Variants in ANKS1B observed in about 807,000 individuals in gnomAD.
ANKS1B encodes ankyrin repeat and sterile alpha motif domain containing 1B, also known as ankyrin repeat and sterile alpha motif domain-containing protein 1B.
ANKS1B carries 36 observed loss-of-function variants against 148.3 expected under a neutral mutation model. The ratio of observed to expected loss-of-function variants is 0.24; its 90% CI spans 0.19 to 0.32. ANKS1B has a LOEUF of 0.32. Ranked by LOEUF, ANKS1B falls within the 10% of genes least tolerant of loss-of-function variation. The probability of loss-of-function intolerance (pLI) is 1.00; values close to 1 mark genes in which losing one functional copy is unlikely to be tolerated. For missense variants in ANKS1B, 1,157 were observed against 1,542.6 expected (o/e 0.75, Z 4.19); for synonymous variants, 542 against 560.8 (o/e 0.97, Z 0.47).
chr12:99,045,103 T>C (rs2153505819), intron 17 of ANKS1B, among the ~76,000 whole-genome samples: 1 of 152,328 alleles, frequency 6.6e-6, no homozygotes, highest in African/African-American at 2.4e-5. Context: ...TTAGCCACTG[T>C]TGAAAAGCAT....
At chr12:99,717,926 C>T (rs1230105122) in intron 8 of ANKS1B, among the ~76,000 whole-genome samples, 16 of 112,090 alleles carry the variant, frequency 1.4e-4, no homozygotes, top group African/African-American at 4.8e-4. Flanking sequence ...TTTTTTGAGA[C>T]GGAGTCTCGC....
chr12:99,632,815 T>C (rs1340338801), intron 9 of ANKS1B, among the ~76,000 whole-genome samples: 1 of 139,662 alleles, frequency 7.2e-6, no homozygotes, highest in Non-Finnish European at 1.5e-5. Context: ...AATGTGCAGG[T>C]TTGTTACATA....
chr12:99,274,359 C>A (rs2077426549), intron 12 of ANKS1B, among the ~76,000 whole-genome samples: 1 of 152,108 alleles, frequency 6.6e-6, no homozygotes, highest in Admixed American at 6.5e-5. Context: ...ATTTTGTCAT[C>A]TAACAAGAAG....
intron 17 of ANKS1B, among the ~76,000 whole-genome samples, chr12:98,914,632 C>T (rs1388383104): frequency 6.6e-6 from 1 of 152,172 alleles, no homozygotes; most frequent in Non-Finnish European, 1.5e-5. Flanking sequence ...CTCCAGCTCA[C>T]TGGCCTCCCT....
chr12:99,240,868 T>C (rs536296199), intron 14 of ANKS1B, among the ~76,000 whole-genome samples: 32 of 152,344 alleles, frequency 2.1e-4, no homozygotes, highest in African/African-American at 7.5e-4. Context: ...AGACACATTG[T>C]ACCAGAATCT....
At chr12:99,208,569 T>C (rs1331555965) in intron 14 of ANKS1B, among the ~76,000 whole-genome samples, 2 of 152,140 alleles carry the variant, frequency 1.3e-5, no homozygotes, top group African/African-American at 4.8e-5. Context: ...ATTCTGGTTA[T>C]TGTGCTAAAA....
At chr12:99,867,734 A>T (rs1367469465) in intron 1 of ANKS1B, among the ~76,000 whole-genome samples, 1 of 152,222 alleles carries the variant, frequency 6.6e-6, no homozygotes, top group African/African-American at 2.4e-5. Flanking sequence ...GCCAGATCAT[A>T]CCACCAACAT....
At chr12:99,716,163 C>A (rs2057296395) in intron 8 of ANKS1B, among the ~76,000 whole-genome samples, 1 of 151,898 alleles carries the variant, frequency 6.6e-6, no homozygotes, top group Admixed American at 6.6e-5. Context: ...ATTTCCGTGC[C>A]CCGACCTCTT....
chr12:99,418,701 A>C (rs1488904319), intron 11 of ANKS1B, among the ~76,000 whole-genome samples: 1 of 152,180 alleles, frequency 6.6e-6, no homozygotes, highest in Non-Finnish European at 1.5e-5. Context: ...TGGTGAGCAC[A>C]GTGGACATCC....
At chr12:99,433,885 G>A (rs930659622) in intron 11 of ANKS1B, among the ~76,000 whole-genome samples, 2 of 152,060 alleles carry the variant, frequency 1.3e-5, no homozygotes, top group African/African-American at 4.8e-5. Flanking sequence ...TCTCTATTTA[G>A]AGCACAGTCT....
chr12:99,090,122 A>G (rs1320144639), intron 15 of ANKS1B, among the ~76,000 whole-genome samples: 1 of 152,146 alleles, frequency 6.6e-6, no homozygotes, highest in Non-Finnish European at 1.5e-5. Flanking sequence ...GCTGTGATAA[A>G]CTGTTAGGAT....
At chr12:99,520,351 C>T (rs181966125) in intron 9 of ANKS1B, among the ~76,000 whole-genome samples, 1 of 152,214 alleles carries the variant, frequency 6.6e-6, no homozygotes, top group Admixed American at 6.5e-5. Context: ...TATACTATTC[C>T]TGGGTAAAAG....
At chr12:98,886,735 T>C (rs2099740941) in intron 17 of ANKS1B, among the ~76,000 whole-genome samples, 2 of 152,082 alleles carry the variant, frequency 1.3e-5, no homozygotes, top group Admixed American at 6.5e-5. Flanking sequence ...CTACAAAGGG[T>C]GGCCTCAGAC....
chr12:99,252,168 G>T (rs2074686240), intron 12 of ANKS1B, among the ~76,000 whole-genome samples: 2 of 152,194 alleles, frequency 1.3e-5, no homozygotes, highest in South Asian at 4.1e-4. Context: ...ATGTTTTGGG[G>T]GAGGATTATT....
chr12:98,794,561 G>T, intron 22 of ANKS1B: 1 of 722,554 alleles, frequency 1.4e-6, no homozygotes, highest in Non-Finnish European at 2.5e-6. Flanking sequence ...CGCAATGATT[G>T]CAAGGTGTTC....
At chr12:99,690,934 C>A (rs1447302460) in intron 8 of ANKS1B, among the ~76,000 whole-genome samples, 1 of 152,172 alleles carries the variant, frequency 6.6e-6, no homozygotes, top group African/African-American at 2.4e-5. Context: ...GGGCTCTGCC[C>A]CTGTAGCAAA....
chr12:99,088,744 CAA>C (rs1428172098), intron 15 of ANKS1B, among the ~76,000 whole-genome samples: 1 of 149,264 alleles, frequency 6.7e-6, no homozygotes, highest in Non-Finnish European at 1.5e-5. Flanking sequence ...CCATCAAAGA[CAA>C]TAAACATTCC....
intron 1 of ANKS1B, among the ~76,000 whole-genome samples, chr12:99,839,766 C>G (rs2085413197): frequency 6.6e-6 from 1 of 152,102 alleles, no homozygotes; most frequent in Admixed American, 6.6e-5. Context: ...TGGTTCAGGT[C>G]ACATGGCCCC....
intron 8 of ANKS1B, among the ~76,000 whole-genome samples, chr12:99,676,256 C>T (rs545245728): frequency 3.8e-4 from 58 of 152,242 alleles, no homozygotes; most frequent in African/African-American, 1.3e-3. Context: ...ATAAACTACC[C>T]AGTCTTGGGT....
Sources: gnomAD v4.1 joint callset for allele counts (sites outside exome capture counted in the v4.1 genomes callset) on GRCh38, gnomAD v4.1.1 for gene constraint, MANE v1.5 for transcripts, NCBI Gene and HGNC (gene_info 2026-07-23, HGNC 2026-07-21) for gene names.